Variants in SLC13A3 observed in about 807,000 individuals in gnomAD.
The protein encoded by SLC13A3 is solute carrier family 13 member 3, also known as Na(+)/dicarboxylate cotransporter 3.
In SLC13A3, 40 loss-of-function variants were observed where a neutral mutation model predicts 59.0. The ratio of observed to expected loss-of-function variants is 0.68; its 90% CI spans 0.53 to 0.88. The LOEUF (loss-of-function observed/expected upper bound fraction) is 0.88. SLC13A3 is among the 40% of genes least tolerant of loss of function. The pLI is 0.00. For missense variants in SLC13A3, 699 were observed against 783.2 expected, an observed-to-expected ratio of 0.89 and a Z score of 1.28; for synonymous variants, 317 against 330.3, an observed-to-expected ratio of 0.96 and a Z score of 0.44.
chr20:46,651,272 T>C, intron 1 of SLC13A3, 39 bp downstream of exon 1: 1 of 1,457,680 alleles, frequency 6.9e-7, no homozygotes, highest in South Asian at 1.4e-5. Flanking sequence ...GGATCCCGCC[T>C]GTGGTTGACC....
chr20:46,615,063 T>C (rs1600564399), intron 1 of SLC13A3, among the ~76,000 whole-genome samples: 1 of 152,324 alleles, frequency 6.6e-6, no homozygotes, highest in East Asian at 1.9e-4. Flanking sequence ...AGAGTGATAA[T>C]GACAATGACT....
chr20:46,591,410 T>G (rs2062255641), intron 6 of SLC13A3, among the ~76,000 whole-genome samples: 1 of 152,164 alleles, frequency 6.6e-6, no homozygotes, highest in South Asian at 2.1e-4. Flanking sequence ...GAGAAGCATA[T>G]GTATGTATTG....
intron 7 of SLC13A3, among the ~76,000 whole-genome samples, 191 bp downstream of exon 7, chr20:46,588,969 T>C (rs2122666593): frequency 6.6e-6 from 1 of 152,180 alleles, no homozygotes; most frequent in East Asian, 1.9e-4. Flanking sequence ...GTCCTCAGGT[T>C]TCTACCCCAG....
chr20:46,627,690 A>T (rs1333198697), intron 1 of SLC13A3, among the ~76,000 whole-genome samples: 1 of 152,152 alleles, frequency 6.6e-6, no homozygotes, highest in Non-Finnish European at 1.5e-5. Flanking sequence ...CTCTCATCTA[A>T]GTGATTTGAA....
chr20:46,648,148 C>T (rs1349055311), intron 1 of SLC13A3, among the ~76,000 whole-genome samples: 1 of 152,126 alleles, frequency 6.6e-6, no homozygotes, highest in African/African-American at 2.4e-5. Flanking sequence ...TGTCTTGAAG[C>T]TCCATGTGCA....
At chr20:46,677,544 G>A (rs1333565493) in intron 1 of SLC13A3, among the ~76,000 whole-genome samples, 1 of 152,194 alleles carries the variant, frequency 6.6e-6, no homozygotes, top group African/African-American at 2.4e-5. Context: ...GATTCCTGGG[G>A]CTGCCATTTA....
chr20:46,608,867 G>C (rs2062462798), intron 3 of SLC13A3: 5 of 1,546,680 alleles, frequency 3.2e-6, no homozygotes, highest in Non-Finnish European at 4.4e-6. Context: ...TCAAGATGTG[G>C]CTCCTGTCTT....
intron 5 of SLC13A3, among the ~76,000 whole-genome samples, chr20:46,593,017 C>T (rs764957688): frequency 1.2e-4 from 18 of 152,184 alleles, no homozygotes; most frequent in Non-Finnish European, 2.5e-4. Flanking sequence ...CAGGCTGAAA[C>T]CTTTGCCCTC....
intron 6 of SLC13A3, 103 bp from the exon 7 acceptor site, chr20:46,589,358 G>T: frequency 5.5e-6 from 5 of 917,236 alleles, no homozygotes; most frequent in Non-Finnish European, 8.6e-6. Context: ...CTCTCTGTCC[G>T]GGAGGCTGCA....
intron 12 of SLC13A3, among the ~76,000 whole-genome samples, chr20:46,562,578 A>C (rs558764469): frequency 6.6e-6 from 1 of 152,262 alleles, no homozygotes; most frequent in African/African-American, 2.4e-5. Flanking sequence ...TAATTTAGGA[A>C]AATCTGCTGA....
At chr20:46,608,833 A>T in intron 3 of SLC13A3, 2 of 1,515,654 alleles carry the variant, frequency 1.3e-6, no homozygotes, top group Non-Finnish European at 1.8e-6. Flanking sequence ...CCAAAGCCAC[A>T]GGGGCAGATC....
In SLC13A3 at chr20:46,609,083, G is replaced by A. The variant is rs2062465104; in HGVS notation, c.541+1363C>T. ...CTAAAAGAACAAAGGAAGAATCAAT[G>A]CCGGGGTTAAACTAGCCATTTCTGC... On this transcript the variant is annotated intron_variant, in intron 3 of 12. Coordinates refer to ENST00000279027, the MANE Select transcript of SLC13A3 (RefSeq NM_022829.6). 3 of 1,548,194 alleles carry A rather than the reference G, an allele frequency of 1.9e-6. No homozygotes were observed. In the African/African-American group the frequency reaches 4.1e-5, roughly 21 times the overall value.
chr20:46,590,802 A>G (rs1395858584), intron 6 of SLC13A3, among the ~76,000 whole-genome samples: 2 of 152,170 alleles, frequency 1.3e-5, no homozygotes, highest in Non-Finnish European at 2.9e-5. Flanking sequence ...CTGGAAATGT[A>G]TCTTATAAAA....
At chr20:46,676,420 T>TG in intron 1 of SLC13A3, among the ~76,000 whole-genome samples, 1 of 147,712 alleles carries the variant, frequency 6.8e-6, no homozygotes, top group South Asian at 2.2e-4. Context: ...TCTTTTTTTT[T>TG]TTTTTTTTTT....
At chr20:46,643,371 G>A (rs906969280) in intron 1 of SLC13A3, among the ~76,000 whole-genome samples, 6 of 152,116 alleles carry the variant, frequency 3.9e-5, no homozygotes, top group Admixed American at 1.3e-4. Flanking sequence ...CGGCCTTTTC[G>A]GAGGTAAGAT....
intron 1 of SLC13A3, among the ~76,000 whole-genome samples, chr20:46,619,912 C>CTA (rs2062598066): frequency 6.6e-6 from 1 of 152,174 alleles, no homozygotes. Flanking sequence ...TGGATTTGAA[C>CTA]TATAGCTTGA....
chr20:46,663,170 G>A (rs1600627722), intron 1 of SLC13A3, among the ~76,000 whole-genome samples: 1 of 152,110 alleles, frequency 6.6e-6, no homozygotes, highest in East Asian at 1.9e-4. Context: ...CTAGCTGGGT[G>A]CAGTGGCTCA....
At position 46,589,228 on chromosome 20, in the gene SLC13A3, T is replaced by C. The variant is rs1414883115; in HGVS notation, c.948A>G (p.Ile316Met). The C allele has an allele frequency of 6.2e-7, 1 of 1,614,224 alleles. No homozygotes were observed. Among genetic ancestry groups the C allele is most frequent in the Admixed American group, 1.7e-5 (1 of 60,030 alleles). The change falls in exon 7 of 13, where the codon ATA becomes ATG. Residue 316 changes from isoleucine (I) to methionine (M), a missense_variant. Transcript: ENST00000279027. ...FRGWRKNKSE[I>M]RTNAEDRARA... Reference sequence around the variant, plus strand: ...GAGCCCTATCTTCTGCATTGGTTCTTATCTCAGATTTATTCTTCCTCCAGC... The same window carrying C: ...GAGCCCTATCTTCTGCATTGGTTCTCATCTCAGATTTATTCTTCCTCCAGC...
chr20:46,597,970 A>G (rs2062331773), intron 4 of SLC13A3, among the ~76,000 whole-genome samples: 1 of 152,228 alleles, frequency 6.6e-6, no homozygotes, highest in South Asian at 2.1e-4. Flanking sequence ...ATGTGCCCAT[A>G]TATCAAAACA....
Sources: allele counts gnomAD v4.1 joint callset (sites outside exome capture counted in the v4.1 genomes callset), GRCh38; gene constraint gnomAD v4.1.1; transcripts MANE v1.5; gene names NCBI Gene and HGNC (gene_info 2026-07-23, HGNC 2026-07-21).